ARL13B: variants seen among roughly 807,000 people sequenced by gnomAD.
The protein encoded by ARL13B is ADP-ribosylation factor-like protein 13B.
In ARL13B, 36 loss-of-function variants were observed where a neutral mutation model predicts 56.1. That is an observed-to-expected ratio of 0.64 (90% CI 0.49 to 0.85). The LOEUF (loss-of-function observed/expected upper bound fraction) is 0.85. Among genes scored for constraint, ARL13B ranks in the 40% least tolerant of loss-of-function variants. The probability of loss-of-function intolerance (pLI) is 0.00; values close to 1 mark genes in which losing one functional copy is unlikely to be tolerated. For synonymous variants in ARL13B, 178 were observed against 171.1 expected (o/e 1.04, Z -0.32); for missense variants, 519 against 507.1 (o/e 1.02, Z -0.23).
intron 2 of ARL13B, among the ~76,000 whole-genome samples, chr3:94,000,579 C>T (rs1279698646): frequency 6.6e-6 from 1 of 151,122 alleles, no homozygotes; most frequent in East Asian, 1.9e-4. Flanking sequence ...ATTATAGTTA[C>T]TCATATATAT....
In ARL13B at chr3:94,053,807, GTTGATT is replaced by G; in HGVS notation, c.*546_*551del. 1 of 290,826 alleles carries G rather than the reference GTTGATT, an allele frequency of 3.4e-6. No homozygotes were observed. The highest frequency in any genetic ancestry group is 6.7e-6 in the Non-Finnish European group (1 of 150,256). The allele number at this position is 290,826 out of a possible 1,614,324, so 18.0% of individuals were successfully genotyped here. ...GTTTAAATTATATCTGGAAAATAGA[GTTGATT>G]TACTTTCAGACATGAACTATACAAA... On this transcript the variant is annotated 3_prime_UTR_variant, in exon 10 of 10. Transcript: ENST00000394222.
chr3:94,027,306 A>T (rs980478701), intron 3 of ARL13B, among the ~76,000 whole-genome samples: 1 of 152,052 alleles, frequency 6.6e-6, no homozygotes, highest in Non-Finnish European at 1.5e-5. Context: ...CTAAAAAAAA[A>T]TTGCAAATTG....
At chr3:93,994,648 G>A (rs2075935060) in intron 1 of ARL13B, among the ~76,000 whole-genome samples, 1 of 152,144 alleles carries the variant, frequency 6.6e-6, no homozygotes, top group Non-Finnish European at 1.5e-5. Context: ...GTATATAGAA[G>A]ATGGTCAGTG....
chr3:94,012,608 C>T (rs1040245646), intron 3 of ARL13B, among the ~76,000 whole-genome samples: 3 of 152,140 alleles, frequency 2.0e-5, no homozygotes, highest in Non-Finnish European at 4.4e-5. Context: ...TGTTGCACCT[C>T]AGTGTTCATA....
chr3:94,018,374 A>G (rs1179161887), intron 3 of ARL13B, among the ~76,000 whole-genome samples: 1 of 152,214 alleles, frequency 6.6e-6, no homozygotes, highest in African/African-American at 2.4e-5. Flanking sequence ...ACCCATCAGC[A>G]CTTAACACAA....
intron 3 of ARL13B, among the ~76,000 whole-genome samples, chr3:94,021,491 G>A (rs2076448516): frequency 6.6e-6 from 1 of 152,068 alleles, no homozygotes; most frequent in South Asian, 2.1e-4. Flanking sequence ...CACCATGCCT[G>A]GCCAAATATT....
At chr3:93,990,698 A>G (rs1431875972) in intron 1 of ARL13B, among the ~76,000 whole-genome samples, 3 of 152,080 alleles carry the variant, frequency 2.0e-5, no homozygotes, top group African/African-American at 4.8e-5. Flanking sequence ...GACTCACTAC[A>G]TTGTTGTATT....
At chr3:93,991,499 C>G (rs990094382) in intron 1 of ARL13B, among the ~76,000 whole-genome samples, 8 of 152,100 alleles carry the variant, frequency 5.3e-5, no homozygotes, top group Non-Finnish European at 1.2e-4. Flanking sequence ...CTCAGCCTTC[C>G]GAGTAGCCAG....
At chr3:93,983,164 G>A (rs1170336311) in intron 1 of ARL13B, among the ~76,000 whole-genome samples, 1 of 152,086 alleles carries the variant, frequency 6.6e-6, no homozygotes, top group African/African-American at 2.4e-5. Context: ...CATTGTATTT[G>A]TTCACCTCTC....
At chr3:94,013,409 A>G (rs2076260159) in intron 3 of ARL13B, among the ~76,000 whole-genome samples, 1 of 152,226 alleles carries the variant, frequency 6.6e-6, no homozygotes. Context: ...ATAGTATAGT[A>G]TAGCATTATC....
chr3:94,026,424 C>A (rs2076559296), intron 3 of ARL13B, among the ~76,000 whole-genome samples: 1 of 152,128 alleles, frequency 6.6e-6, no homozygotes, highest in South Asian at 2.1e-4. Flanking sequence ...TTCCCTAAAT[C>A]CTTGTTCATC....
chr3:94,046,973 T>C lies in ARL13B; in HGVS notation c.1025-2433T>C, dbSNP rs1216414316. On this transcript the variant is annotated intron_variant, in intron 7 of 9. Transcript: ENST00000394222. Reference sequence around the variant, plus strand: ...ACAACTTGGGATAGAATCTTGACTCTCTTATCTACTAGATATACGTTAAGT... The same window carrying C: ...ACAACTTGGGATAGAATCTTGACTCCCTTATCTACTAGATATACGTTAAGT... 2.0e-5 allele frequency among the ~76,000 whole-genome samples: 3 copies of C among 152,170 alleles called. 1 individual carries two copies. The highest frequency in any genetic ancestry group is 4.4e-5 in the Non-Finnish European group (3 of 68,008).
intron 3 of ARL13B, among the ~76,000 whole-genome samples, chr3:94,024,565 C>CT (rs1013558602): frequency 1.3e-5 from 2 of 152,062 alleles, no homozygotes; most frequent in Admixed American, 1.3e-4. Flanking sequence ...CTGGAAAGAT[C>CT]TTTGTCCTTT....
At chr3:93,992,097 C>G (rs2075886891) in intron 1 of ARL13B, among the ~76,000 whole-genome samples, 1 of 151,948 alleles carries the variant, frequency 6.6e-6, no homozygotes, top group Non-Finnish European at 1.5e-5. Flanking sequence ...TAAATAAAGA[C>G]AGACTCTTAA....
intron 8 of ARL13B, 54 bp downstream of exon 8, chr3:94,049,576 GAA>G (rs879141969): frequency 8.4e-5 from 67 of 799,098 alleles, no homozygotes; most frequent in South Asian, 1.3e-4. Flanking sequence ...AAACAACAGA[GAA>G]AAAAAAAAAG....
At chr3:94,045,080 A>C (rs185957428) in intron 7 of ARL13B, among the ~76,000 whole-genome samples, 2 of 152,092 alleles carry the variant, frequency 1.3e-5, no homozygotes, top group East Asian at 3.9e-4. Context: ...GACATAGAAG[A>C]CTCCATTTTG....
chr3:94,035,660 A>C (rs2076755702), intron 4 of ARL13B, among the ~76,000 whole-genome samples: 1 of 152,190 alleles, frequency 6.6e-6, no homozygotes, highest in Non-Finnish European at 1.5e-5. Flanking sequence ...CCATGATTTC[A>C]AGGAGCTTCA....
intron 3 of ARL13B, among the ~76,000 whole-genome samples, chr3:94,022,262 A>G (rs757307576): frequency 2.6e-5 from 4 of 152,160 alleles, no homozygotes; most frequent in Non-Finnish European, 4.4e-5. Context: ...AGTAGCTGGA[A>G]TTACAGGCGC....
At chr3:93,998,986 G>C (rs1316225090) in intron 2 of ARL13B, among the ~76,000 whole-genome samples, 1 of 149,964 alleles carries the variant, frequency 6.7e-6, no homozygotes, top group South Asian at 2.1e-4. Context: ...TTTCTTTTCA[G>C]ATGTGTCTAC....
Sources: allele counts gnomAD v4.1 joint callset (sites outside exome capture counted in the v4.1 genomes callset), GRCh38; gene constraint gnomAD v4.1.1; transcripts MANE v1.5; gene names NCBI Gene and HGNC (gene_info 2026-07-23, HGNC 2026-07-21).